Variants in EPB41 observed in about 807,000 individuals in gnomAD.
EPB41 encodes protein 4.1.
A neutral mutation model predicts 108.0 loss-of-function variants in EPB41; 65 were observed. That is an observed-to-expected ratio of 0.60 (90% CI 0.49 to 0.74). EPB41 has a LOEUF of 0.74. Ranked by LOEUF, EPB41 falls within the 30% of genes least tolerant of loss-of-function variation. The pLI, the probability that EPB41 is intolerant of heterozygous loss-of-function variation, is 0.00. For missense variants in EPB41, 875 were observed against 1,037.0 expected, an observed-to-expected ratio of 0.84 and a Z score of 2.15; for synonymous variants, 336 against 358.9, an observed-to-expected ratio of 0.94 and a Z score of 0.72.
In EPB41 at chr1:29,078,195, G is replaced by A. The variant is rs138118843; in HGVS notation, c.2184+13037G>A. Among the ~76,000 whole-genome samples, 504 of 152,260 alleles carry A rather than the reference G, an allele frequency of 3.3e-3. 4 individuals are homozygous for A. The highest frequency in any genetic ancestry group is 5.5e-3 in the Admixed American group (84 of 15,298). ...AATTGCACCACTGCACTCCAGCCTG[G>A]GTGAAAGAGCAAGATTCCGTCTCAA... On this transcript the variant is annotated intron_variant, in intron 16 of 20. Transcript: ENST00000343067.
chr1:28,904,059 G>A (rs1180647927), intron 1 of EPB41, among the ~76,000 whole-genome samples: 1 of 151,562 alleles, frequency 6.6e-6, no homozygotes, highest in Non-Finnish European at 1.5e-5. Flanking sequence ...TAGAGACAGG[G>A]TTTCACCATC....
intron 7 of EPB41, among the ~76,000 whole-genome samples, chr1:29,025,268 A>G (rs978906283): frequency 6.6e-6 from 1 of 152,044 alleles, no homozygotes; most frequent in African/African-American, 2.4e-5. Flanking sequence ...AACAAACATT[A>G]TTAAAAGGGA....
chr1:28,957,812 G>A (rs2095023561), intron 1 of EPB41, among the ~76,000 whole-genome samples: 1 of 152,052 alleles, frequency 6.6e-6, no homozygotes, highest in Non-Finnish European at 1.5e-5. Context: ...ACAGTTTTAT[G>A]AACCTGTGCT....
intron 7 of EPB41, among the ~76,000 whole-genome samples, chr1:29,021,728 G>A (rs1465176264): frequency 1.3e-5 from 2 of 151,848 alleles, no homozygotes; most frequent in African/African-American, 2.4e-5. Context: ...GACTACAAGC[G>A]CCAGCCACCA....
At chr1:29,079,950 T>C (rs1000204118) in intron 16 of EPB41, among the ~76,000 whole-genome samples, 6 of 151,902 alleles carry the variant, frequency 3.9e-5, no homozygotes, top group Non-Finnish European at 5.9e-5. Flanking sequence ...GAGCTGAGAT[T>C]GTGCCATTGC....
At chr1:29,077,283 T>G (rs937563216) in intron 16 of EPB41, among the ~76,000 whole-genome samples, 1 of 152,036 alleles carries the variant, frequency 6.6e-6, no homozygotes, top group African/African-American at 2.4e-5. Flanking sequence ...TTAAAAGCTC[T>G]TATCCAGCTG....
chr1:29,095,889 CCATAGGAATAT>C (rs1485374331), intron 16 of EPB41, among the ~76,000 whole-genome samples: 2 of 152,054 alleles, frequency 1.3e-5, no homozygotes, highest in Non-Finnish European at 2.9e-5. Context: ...ACAAGGAAGA[CCATAGGAATAT>C]AAATTGCTGG....
chr1:28,915,004 A>AG (rs1459491285), intron 1 of EPB41, among the ~76,000 whole-genome samples: 3 of 151,776 alleles, frequency 2.0e-5, no homozygotes, highest in Non-Finnish European at 4.4e-5. Context: ...GGAAAGGGGA[A>AG]GGGGTTGCGT....
chr1:29,023,613 G>A (rs2096675373), intron 7 of EPB41, among the ~76,000 whole-genome samples: 1 of 151,714 alleles, frequency 6.6e-6, no homozygotes, highest in Admixed American at 6.6e-5. Flanking sequence ...CTTGAACTCG[G>A]GAGGCAGAGG....
At chr1:29,022,883 T>G (rs932635987) in intron 7 of EPB41, among the ~76,000 whole-genome samples, 3 of 152,202 alleles carry the variant, frequency 2.0e-5, no homozygotes, top group Non-Finnish European at 4.4e-5. Flanking sequence ...TGCCAGACAT[T>G]GAAGAGATTT....
intron 16 of EPB41, among the ~76,000 whole-genome samples, chr1:29,095,588 T>C (rs1662919873): frequency 6.6e-6 from 1 of 152,230 alleles, no homozygotes; most frequent in African/African-American, 2.4e-5. Flanking sequence ...CTGGACTACA[T>C]AGTGAGACCC....
At chr1:28,935,978 C>T (rs755031461) in intron 1 of EPB41, among the ~76,000 whole-genome samples, 12 of 151,928 alleles carry the variant, frequency 7.9e-5, no homozygotes, top group Non-Finnish European at 1.6e-4. Context: ...ATATCCTTAG[C>T]CTAGCTTCCT....
chr1:29,109,403 C>G lies in EPB41; in HGVS notation c.2381C>G (p.Thr794Ser). The change falls in exon 18 of 21, where the codon ACC (threonine) becomes AGC (serine). Residue 794 changes from threonine to serine, a missense_variant. By Grantham distance (58) the Thr-to-Ser change is moderately conservative. This residue lies in a region of EPB41 where 519 missense variants were observed against 627.3 expected (regional missense o/e 0.83). Transcript: ENST00000343067. ...LLTAQTITSE[T>S]PSSTTTTQIT... The stretch of plus-strand genomic sequence containing the variant: ...ACAGCTCAAACTATCACATCTGAGA[C>G]CCCAAGCAGCACCACCACAACTCAA... 1 of 1,614,078 alleles carries G rather than the reference C, an allele frequency of 6.2e-7. No individual in the cohort carries two copies. The highest frequency in any genetic ancestry group is 8.5e-7 in the Non-Finnish European group (1 of 1,180,014).
chr1:29,005,503 C>T lies in EPB41; in HGVS notation c.787-6362C>T, dbSNP rs144088311. ...AATCTATCCTGGTTTACTTCAGTAGCGTCATTCATCTATTCTTTGTTCATT... is the reference window on the plus strand; with the variant it reads ...AATCTATCCTGGTTTACTTCAGTAGTGTCATTCATCTATTCTTTGTTCATT... On this transcript the variant is annotated intron_variant, in intron 4 of 20. Transcript: ENST00000343067. 1.7e-4 allele frequency among the ~76,000 whole-genome samples: 26 copies of T among 152,262 alleles called. No homozygotes were observed. In the East Asian group the frequency reaches 4.4e-3, roughly 26 times the overall value.
chr1:29,033,385 G>A, intron 9 of EPB41, 140 bp downstream of exon 9: 1 of 978,904 alleles, frequency 1.0e-6, no homozygotes. Flanking sequence ...CGTTTTCTAA[G>A]TTGATCAGTC....
intron 1 of EPB41, among the ~76,000 whole-genome samples, chr1:28,976,278 A>G (rs1038228276): frequency 1.3e-5 from 2 of 152,210 alleles, no homozygotes; most frequent in African/African-American, 4.8e-5. Flanking sequence ...AGAGTGGTTT[A>G]AGGCATGTAG....
Position 29,030,393 on chromosome 1 carries a change from A to G in EPB41, c.1125-7A>G, listed in dbSNP as rs376335240. On this transcript the variant is annotated splice_region_variant and splice_polypyrimidine_tract_variant and intron_variant, in intron 7 of 20. Transcript: ENST00000343067. ...TGAAAGAATTTTATGTTTTTATTCT[A>G]TCAAAGGTCCATGACTCCAGCTCAG... 12 of 1,611,486 alleles carry G rather than the reference A, an allele frequency of 7.4e-6. No homozygotes were observed. The highest frequency in any genetic ancestry group is 9.3e-6 in the Non-Finnish European group (11 of 1,177,614).
intron 17 of EPB41, among the ~76,000 whole-genome samples, chr1:29,103,828 C>T (rs946721323): frequency 3.3e-5 from 5 of 152,072 alleles, no homozygotes; most frequent in Non-Finnish European, 5.9e-5. Flanking sequence ...CCCCCATGCC[C>T]GGCTAATTTT....
chr1:28,967,162 G>T (rs1248477287), intron 1 of EPB41, among the ~76,000 whole-genome samples: 2 of 151,924 alleles, frequency 1.3e-5, no homozygotes, highest in African/African-American at 4.8e-5. Context: ...GGGACTACAG[G>T]TGCCCGCCAC....
Sources: allele counts gnomAD v4.1 joint callset (sites outside exome capture counted in the v4.1 genomes callset), GRCh38; gene constraint gnomAD v4.1.1; regional missense constraint gnomAD v4.1.1; transcripts MANE v1.5; gene names NCBI Gene and HGNC (gene_info 2026-07-23, HGNC 2026-07-21).